The following IPPK variants were observed in gnomAD, a reference collection of about 807,000 sequenced individuals.
IPPK encodes the protein IPK1 homolog.
In IPPK, 22 loss-of-function variants were observed where a neutral mutation model predicts 64.6. That is an observed-to-expected ratio of 0.34 (90% CI 0.24 to 0.49). The LOEUF is 0.49. Ranked by LOEUF, IPPK falls within the 20% of genes least tolerant of loss-of-function variation. The pLI is 0.99. For missense variants in IPPK, 532 were observed against 630.7 expected, an observed-to-expected ratio of 0.84 and a Z score of 1.68; for synonymous variants, 262 against 247.2, an observed-to-expected ratio of 1.06 and a Z score of -0.56.
At chr9:92,652,673 T>C (rs762714625) in intron 3 of IPPK, 34 bp from the exon 4 acceptor site, 6 of 1,261,830 alleles carry the variant, frequency 4.8e-6, no homozygotes, top group Admixed American at 1.8e-5. Flanking sequence ...TCAGTGTGAA[T>C]TGCACAATGA....
rs1315173130 is a variant in IPPK at position 92,656,504 on chromosome 9, C to T, written c.177G>A (p.Gly59=). 6.2e-7 allele frequency: 1 copy of T among 1,613,832 alleles called. No homozygotes were observed. Among genetic ancestry groups the T allele is most frequent in the Non-Finnish European group, 8.5e-7 (1 of 1,179,678 alleles). The change falls in exon 3 of 13, where the codon GGG becomes GGA. Residue 59 remains glycine (G), a synonymous_variant. Transcript: ENST00000287996. ...CCAAAAACTCCTTCATGACATTTTTCCCAAAGTCCACTATGTTCTGCAGGT... is the reference window on the plus strand; with the variant it reads ...CCAAAAACTCCTTCATGACATTTTTTCCAAAGTCCACTATGTTCTGCAGGT... The part of the protein sequence containing the change: ...FQHLQNIVDF[G]KNVMKEFLGE...
At chr9:92,667,117 T>G (rs2131467707) in intron 1 of IPPK, among the ~76,000 whole-genome samples, 1 of 152,310 alleles carries the variant, frequency 6.6e-6, no homozygotes, top group South Asian at 2.1e-4. Context: ...GACCTTTCAA[T>G]TCTGAGAGAA....
intron 3 of IPPK, among the ~76,000 whole-genome samples, chr9:92,653,783 A>G (rs1009024950): frequency 6.6e-6 from 1 of 152,248 alleles, no homozygotes; most frequent in Non-Finnish European, 1.5e-5. Context: ...TGGGAGGCAG[A>G]GGTTGCAGTG....
chr9:92,634,849 C>T (rs559130715), intron 10 of IPPK, among the ~76,000 whole-genome samples: 5 of 152,338 alleles, frequency 3.3e-5, no homozygotes, highest in Admixed American at 2.0e-4. Flanking sequence ...TGACACAGAA[C>T]GACCTGCAGG....
intron 11 of IPPK, among the ~76,000 whole-genome samples, chr9:92,629,473 T>C (rs772944497): frequency 2.0e-5 from 3 of 151,892 alleles, no homozygotes; most frequent in Non-Finnish European, 4.4e-5. Flanking sequence ...CAAAGGGGGC[T>C]GGGCACGGTG....
chr9:92,619,620 A>C lies in IPPK; in HGVS notation c.1171-55T>G, dbSNP rs974702638. 1.6e-5 allele frequency: 23 copies of C among 1,449,180 alleles called. No individual in the cohort carries two copies. In the Admixed American group the frequency reaches 2.4e-4, roughly 15 times the overall value. 89.8% of individuals were successfully genotyped at this position (1,449,180 alleles called of 1,614,324 possible). A position where few individuals can be genotyped will look rare whatever the true frequency, so the allele number is the denominator to read the frequency against. On this transcript the variant is annotated intron_variant, in intron 11 of 12. Transcript: ENST00000287996. ...TCACACAGGAAGCCTCTGCCCCCCC[A>C]CACAACCTTCCTTCCCAGTAGCCAA...
chr9:92,635,373 G>C lies in IPPK; in HGVS notation c.917-65C>G, dbSNP rs1052169036. On this transcript the variant is annotated intron_variant, in intron 9 of 12. Transcript: ENST00000287996. This position sits in a 1 kb window ranked among gnomAD's most constrained non-coding sequence, Gnocchi z 4.4. The stretch of plus-strand genomic sequence containing the variant: ...ATCAAAGAACGTGGAGGGAGACACA[G>C]GCCGGCGCAGACCGCAGGGCTCATC... 5 of 1,541,430 alleles carry C rather than the reference G, an allele frequency of 3.2e-6. No homozygotes were observed. The African/African-American group carries it at 5.5e-5, about 17-fold the overall frequency.
chr9:92,658,212 C>T lies in IPPK; in HGVS notation c.129+422G>A, dbSNP rs545621494. On this transcript the variant is annotated intron_variant, in intron 2 of 12. Coordinates refer to ENST00000287996, the MANE Select transcript of IPPK (RefSeq NM_022755.6). The stretch of plus-strand genomic sequence containing the variant: ...GATGACTCAGAGAAGAGAAACCTAA[C>T]GACCCCCTCCCACCACAATGTTTAA... 5.9e-5 allele frequency among the ~76,000 whole-genome samples: 9 copies of T among 152,364 alleles called. No individual in the cohort carries two copies. The South Asian group carries it at 8.3e-4, about 14-fold the overall frequency.
intron 1 of IPPK, among the ~76,000 whole-genome samples, chr9:92,664,851 G>A (rs1048305169): frequency 6.6e-6 from 1 of 152,212 alleles, no homozygotes; most frequent in Non-Finnish European, 1.5e-5. Context: ...TCACTGGGGA[G>A]CTTTGCTCTG....
At chr9:92,631,845 A>G (rs1851851578) in intron 11 of IPPK, among the ~76,000 whole-genome samples, 1 of 152,264 alleles carries the variant, frequency 6.6e-6, no homozygotes, top group African/African-American at 2.4e-5. Flanking sequence ...GATACAGAAC[A>G]GTCTGATCAC....
rs539186482 is a variant in IPPK, at chr9:92,646,785, G to A, written c.504+1274C>T. Among the ~76,000 whole-genome samples the A allele has an allele frequency of 6.2e-4, 94 of 152,130 alleles. No homozygotes were observed. The Middle Eastern group carries it at 0.014, about 22-fold the overall frequency. ...ATCCTGACTAACATGGTGAAACCCC[G>A]TCTCTACTAAAAATACAAAAAATTA... On this transcript the variant is annotated intron_variant, in intron 6 of 12. Coordinates refer to ENST00000287996, the MANE Select transcript of IPPK (RefSeq NM_022755.6).
At chr9:92,632,464 A>C (rs1034079229) in intron 11 of IPPK, among the ~76,000 whole-genome samples, 4 of 152,250 alleles carry the variant, frequency 2.6e-5, no homozygotes, top group African/African-American at 9.6e-5. Context: ...TCAGGTTAAA[A>C]GATTAAAGTA....
chr9:92,638,748 C>G (rs760426625), intron 8 of IPPK, among the ~76,000 whole-genome samples: 1 of 152,236 alleles, frequency 6.6e-6, no homozygotes, highest in African/African-American at 2.4e-5. Context: ...CCAGGGTGAC[C>G]CCAGTGCTGG....
chr9:92,650,052 G>A (rs1326091400), intron 4 of IPPK, among the ~76,000 whole-genome samples: 7 of 149,000 alleles, frequency 4.7e-5, no homozygotes, highest in South Asian at 2.1e-4. Flanking sequence ...AGGCGGGCAC[G>A]GTGGCTCACA....
At chr9:92,669,160 C>G (rs1852669505) in intron 1 of IPPK, among the ~76,000 whole-genome samples, 1 of 152,112 alleles carries the variant, frequency 6.6e-6, no homozygotes, top group African/African-American at 2.4e-5. Context: ...CACCTATCCT[C>G]GCCTCCCTCA....
intron 1 of IPPK, among the ~76,000 whole-genome samples, chr9:92,664,736 C>A (rs975137413): frequency 6.6e-6 from 1 of 152,204 alleles, no homozygotes; most frequent in East Asian, 1.9e-4. Context: ...CGCTTGGCAA[C>A]AAGGCAGGAG....
intron 2 of IPPK, 31 bp downstream of exon 2, chr9:92,658,603 G>GTT: frequency 6.4e-7 from 1 of 1,564,812 alleles, no homozygotes; most frequent in Non-Finnish European, 8.8e-7. Context: ...AATAATTGTT[G>GTT]TAAGTCTGGG....
At chr9:92,630,570 G>A (rs1407407926) in intron 11 of IPPK, among the ~76,000 whole-genome samples, 1 of 152,036 alleles carries the variant, frequency 6.6e-6, no homozygotes, top group Non-Finnish European at 1.5e-5. Context: ...AGAAAAGAAG[G>A]AAAATGGAGA....
At chr9:92,654,406 A>G (rs1027390506) in intron 3 of IPPK, among the ~76,000 whole-genome samples, 2 of 152,154 alleles carry the variant, frequency 1.3e-5, no homozygotes, top group African/African-American at 4.8e-5. Flanking sequence ...AGTCCCAGCT[A>G]CTTGGGGGTG....
Sources: gnomAD v4.1 joint callset for allele counts (sites outside exome capture counted in the v4.1 genomes callset) on GRCh38, gnomAD v4.1.1 for gene constraint, Gnocchi (gnomAD v3.1) non-coding constraint, MANE v1.5 for transcripts, NCBI Gene and HGNC (gene_info 2026-07-23, HGNC 2026-07-21) for gene names.